The following KLHL1 variants were observed in gnomAD, a reference collection of about 807,000 sequenced individuals.
The protein encoded by KLHL1 is kelch-like protein 1.
A neutral mutation model predicts 77.7 loss-of-function variants in KLHL1; 47 were observed. That is an observed-to-expected ratio of 0.60 (90% CI 0.48 to 0.77). The LOEUF (loss-of-function observed/expected upper bound fraction) is 0.77, where lower values mean the gene tolerates loss of function less well. Among genes scored for constraint, KLHL1 ranks in the 30% least tolerant of loss-of-function variants. The pLI, the probability that KLHL1 is intolerant of heterozygous loss-of-function variation, is 0.00. For synonymous variants in KLHL1, 360 were observed against 325.2 expected, an observed-to-expected ratio of 1.11 and a Z score of -1.15; for missense variants, 925 against 910.8, an observed-to-expected ratio of 1.02 and a Z score of -0.20.
intron 1 of KLHL1, among the ~76,000 whole-genome samples, chr13:69,991,653 T>G (rs1482608183): frequency 6.7e-6 from 1 of 149,900 alleles, no homozygotes; most frequent in African/African-American, 2.5e-5. Context: ...TGAAATGGAA[T>G]CAGTAATAAA....
chr13:69,977,879 C>T (rs4280125), intron 1 of KLHL1, among the ~76,000 whole-genome samples: 92,848 of 151,864 alleles, frequency 0.61, 28,545 homozygotes, highest in Middle Eastern at 0.65. Context: ...ATAGAAAATC[C>T]GAAAAAATTG....
chr13:70,104,205 G>A (rs1037575406), intron 1 of KLHL1, among the ~76,000 whole-genome samples: 1 of 152,150 alleles, frequency 6.6e-6, no homozygotes, highest in African/African-American at 2.4e-5. Flanking sequence ...GGGAAGTAGA[G>A]AAATTAATGA....
chr13:69,856,233 G>A (rs1397826196), intron 5 of KLHL1, among the ~76,000 whole-genome samples: 2 of 151,788 alleles, frequency 1.3e-5, no homozygotes, highest in Non-Finnish European at 2.9e-5. Context: ...CATTTCAAAG[G>A]GCAGGTATAG....
At chr13:69,770,967 T>C (rs1333336343) in intron 7 of KLHL1, among the ~76,000 whole-genome samples, 1 of 152,194 alleles carries the variant, frequency 6.6e-6, no homozygotes, top group African/African-American at 2.4e-5. Flanking sequence ...ATCACAAGTA[T>C]GAATGGCATA....
At chr13:69,956,844 TC>T (rs759087487) in intron 3 of KLHL1, among the ~76,000 whole-genome samples, 1 of 151,674 alleles carries the variant, frequency 6.6e-6, no homozygotes, top group Non-Finnish European at 1.5e-5. Flanking sequence ...TATGTAATTT[TC>T]AAAAAATATT....
chr13:70,021,655 C>T (rs572230291), intron 1 of KLHL1, among the ~76,000 whole-genome samples: 1 of 152,052 alleles, frequency 6.6e-6, no homozygotes, highest in Admixed American at 6.6e-5. Context: ...CTTCTTCTTC[C>T]ACGTCCTTGC....
chr13:69,751,965 C>T (rs757906188), intron 7 of KLHL1, among the ~76,000 whole-genome samples: 1 of 152,080 alleles, frequency 6.6e-6, no homozygotes, highest in Non-Finnish European at 1.5e-5. Flanking sequence ...ATCAACACAG[C>T]CTGTTATTCA....
chr13:69,889,059 T>A (rs548415979), intron 4 of KLHL1, among the ~76,000 whole-genome samples: 4 of 151,642 alleles, frequency 2.6e-5, no homozygotes, highest in African/African-American at 9.7e-5. Flanking sequence ...TATATATATA[T>A]AATTTTCTAT....
intron 7 of KLHL1, among the ~76,000 whole-genome samples, chr13:69,794,316 C>T (rs542459063): frequency 1.6e-4 from 24 of 152,174 alleles, no homozygotes; most frequent in African/African-American, 5.1e-4. Context: ...GACACAAAAA[C>T]GTATCATATG....
chr13:70,028,486 C>A (rs142966357), intron 1 of KLHL1, among the ~76,000 whole-genome samples: 4 of 152,010 alleles, frequency 2.6e-5, no homozygotes, highest in African/African-American at 7.2e-5. Context: ...AAGAGACCCA[C>A]GGCAATTCAA....
At chr13:70,025,142 C>T (rs1885909001) in intron 1 of KLHL1, among the ~76,000 whole-genome samples, 1 of 152,022 alleles carries the variant, frequency 6.6e-6, no homozygotes, top group African/African-American at 2.4e-5. Context: ...TTGAAGCTGC[C>T]ACTCATTTAA....
At chr13:69,748,296 G>A (rs1874308117) in intron 7 of KLHL1, among the ~76,000 whole-genome samples, 1 of 151,972 alleles carries the variant, frequency 6.6e-6, no homozygotes, top group Admixed American at 6.6e-5. Context: ...CTGAGACTGG[G>A]AAGAAAAAGA....
chr13:69,916,148 T>C (rs1415093824), intron 4 of KLHL1, among the ~76,000 whole-genome samples: 1 of 152,016 alleles, frequency 6.6e-6, no homozygotes, highest in Non-Finnish European at 1.5e-5. Context: ...GGTGGGACTG[T>C]AAACTAGTTC....
chr13:69,833,752 T>C (rs1228494926), intron 6 of KLHL1, among the ~76,000 whole-genome samples: 1 of 148,674 alleles, frequency 6.7e-6, no homozygotes, highest in Non-Finnish European at 1.5e-5. Flanking sequence ...TAATGGTATA[T>C]ATATATATAT....
chr13:70,094,054 A>T (rs1887732013), intron 1 of KLHL1, among the ~76,000 whole-genome samples: 1 of 152,188 alleles, frequency 6.6e-6, no homozygotes, highest in Admixed American at 6.5e-5. Context: ...AGATTGCTTT[A>T]ACTTACCAGT....
chr13:69,755,095 T>C (rs1263136352), intron 7 of KLHL1, among the ~76,000 whole-genome samples: 2 of 152,082 alleles, frequency 1.3e-5, no homozygotes, highest in African/African-American at 4.8e-5. Flanking sequence ...AGGTGGAGCC[T>C]GGTGGGAAGT....
chr13:69,898,563 T>C (rs1003938466), intron 4 of KLHL1, among the ~76,000 whole-genome samples: 1 of 152,196 alleles, frequency 6.6e-6, no homozygotes, highest in African/African-American at 2.4e-5. Flanking sequence ...GTGAGTTCTT[T>C]TGAACCCCTA....
At chr13:69,963,760 C>T (rs912163745) in intron 2 of KLHL1, among the ~76,000 whole-genome samples, 3 of 150,678 alleles carry the variant, frequency 2.0e-5, no homozygotes, top group South Asian at 2.1e-4. Flanking sequence ...AAATTTACTG[C>T]CTTTTTCACA....
intron 1 of KLHL1, among the ~76,000 whole-genome samples, chr13:70,085,646 C>T (rs572626492): frequency 2.2e-4 from 34 of 152,228 alleles, no homozygotes; most frequent in Non-Finnish European, 1.8e-4. Context: ...GGAAGATCAC[C>T]TGAGGTCAGG....
Sources: allele counts gnomAD v4.1 joint callset (sites outside exome capture counted in the v4.1 genomes callset), GRCh38; gene constraint gnomAD v4.1.1; transcripts MANE v1.5; gene names NCBI Gene and HGNC (gene_info 2026-07-23, HGNC 2026-07-21).